Variants in PITPNC1 observed in about 807,000 individuals in gnomAD.
PITPNC1 encodes cytoplasmic phosphatidylinositol transfer protein 1.
PITPNC1 carries 18 observed loss-of-function variants against 44.7 expected under a neutral mutation model. That is an observed-to-expected ratio of 0.40 (90% CI 0.28 to 0.60). PITPNC1 has a LOEUF of 0.60. Among genes scored for constraint, PITPNC1 ranks in the 20% least tolerant of loss-of-function variants. The pLI is 0.39. For missense variants in PITPNC1, 290 were observed against 418.4 expected (o/e 0.69, Z 2.68); for synonymous variants, 141 against 149.6 (o/e 0.94, Z 0.42).
At chr17:67,437,168 C>A (rs2143911657) in intron 1 of PITPNC1, among the ~76,000 whole-genome samples, 1 of 152,086 alleles carries the variant, frequency 6.6e-6, no homozygotes, top group South Asian at 2.1e-4. Flanking sequence ...AATCCACCTG[C>A]CTCGGCCTCC....
intron 2 of PITPNC1, among the ~76,000 whole-genome samples, chr17:67,542,801 C>G (rs931492961): frequency 3.3e-5 from 5 of 152,164 alleles, no homozygotes; most frequent in African/African-American, 1.2e-4. Flanking sequence ...TATTGATTAC[C>G]TAAAGTAATT....
At chr17:67,476,295 C>T (rs1174693465) in intron 1 of PITPNC1, among the ~76,000 whole-genome samples, 1 of 150,838 alleles carries the variant, frequency 6.6e-6, no homozygotes, top group African/African-American at 2.4e-5. Context: ...CAAGTGATTG[C>T]CCTGCCTCAG....
intron 1 of PITPNC1, among the ~76,000 whole-genome samples, chr17:67,424,220 T>C (rs1486825757): frequency 5.3e-5 from 8 of 150,640 alleles, no homozygotes; most frequent in African/African-American, 1.5e-4. Context: ...ACTTTCAAGG[T>C]GGAGGGAGAG....
At chr17:67,546,219 C>T (rs1328070111) in intron 2 of PITPNC1, among the ~76,000 whole-genome samples, 3 of 150,826 alleles carry the variant, frequency 2.0e-5, no homozygotes, top group South Asian at 2.1e-4. Context: ...AACAGTATAT[C>T]GTCTAGAATA....
At chr17:67,396,637 T>G (rs1205737190) in intron 1 of PITPNC1, among the ~76,000 whole-genome samples, 1 of 152,038 alleles carries the variant, frequency 6.6e-6, no homozygotes, top group Non-Finnish European at 1.5e-5. Context: ...CCCAAAGTGC[T>G]GTGATTACAG....
At chr17:67,648,896 C>T (rs2042179792) in intron 6 of PITPNC1, among the ~76,000 whole-genome samples, 1 of 152,160 alleles carries the variant, frequency 6.6e-6, no homozygotes, top group Non-Finnish European at 1.5e-5. Context: ...TGCAGTGGCT[C>T]TAATCCCAGC....
At chr17:67,546,447 G>A (rs2040684974) in intron 2 of PITPNC1, among the ~76,000 whole-genome samples, 1 of 151,928 alleles carries the variant, frequency 6.6e-6, no homozygotes, top group South Asian at 2.1e-4. Context: ...TCATGCTACC[G>A]GGCCCCTCTT....
intron 1 of PITPNC1, among the ~76,000 whole-genome samples, chr17:67,432,440 C>T (rs1316402986): frequency 6.6e-6 from 1 of 152,054 alleles, no homozygotes; most frequent in Non-Finnish European, 1.5e-5. Context: ...GTGAGCCGAG[C>T]TTGCAGTGAG....
intron 7 of PITPNC1, among the ~76,000 whole-genome samples, chr17:67,670,994 G>A (rs1316356636): frequency 6.6e-6 from 1 of 151,942 alleles, no homozygotes; most frequent in Non-Finnish European, 1.5e-5. Context: ...TGATTATCCT[G>A]CCTCAGCCTC....
intron 2 of PITPNC1, among the ~76,000 whole-genome samples, chr17:67,549,966 G>A (rs115377986): frequency 0.012 from 1,790 of 152,186 alleles, 30 homozygotes; most frequent in African/African-American, 0.04. Context: ...TAGGGTGTGG[G>A]GGCAAACAGG....
chr17:67,472,975 A>C (rs1183783530), intron 1 of PITPNC1, among the ~76,000 whole-genome samples: 1 of 151,084 alleles, frequency 6.6e-6, no homozygotes, highest in African/African-American at 2.4e-5. Context: ...TCTCAGGTTC[A>C]TGCCATTCTC....
intron 1 of PITPNC1, among the ~76,000 whole-genome samples, chr17:67,519,897 C>T (rs1308704317): frequency 6.6e-6 from 1 of 152,210 alleles, no homozygotes; most frequent in Non-Finnish European, 1.5e-5. Context: ...TCCAGTGACC[C>T]TCAAATATCA....
chr17:67,383,991 C>T (rs1391689334), intron 1 of PITPNC1, among the ~76,000 whole-genome samples: 4 of 152,178 alleles, frequency 2.6e-5, no homozygotes, highest in South Asian at 4.2e-4. Flanking sequence ...GAGCTGAGAT[C>T]GCACCATCGC....
chr17:67,649,013 G>A (rs1029597058), intron 6 of PITPNC1, among the ~76,000 whole-genome samples: 2 of 152,132 alleles, frequency 1.3e-5, no homozygotes, highest in African/African-American at 4.8e-5. Context: ...AATTAGCTGG[G>A]CCCAGTGGCA....
At chr17:67,506,501 ATAT>A (rs2040102861) in intron 1 of PITPNC1, among the ~76,000 whole-genome samples, 1 of 152,210 alleles carries the variant, frequency 6.6e-6, no homozygotes, top group Non-Finnish European at 1.5e-5. Context: ...TTACAAATTT[ATAT>A]TACACAAGCT....
chr17:67,468,952 C>T (rs978098759), intron 1 of PITPNC1, among the ~76,000 whole-genome samples: 1 of 152,170 alleles, frequency 6.6e-6, no homozygotes, highest in Admixed American at 6.5e-5. Flanking sequence ...TGGTCTCAAA[C>T]TCCTGACCTC....
intron 1 of PITPNC1, among the ~76,000 whole-genome samples, 187 bp from the exon 2 acceptor site, chr17:67,532,615 C>A (rs953120923): frequency 3.3e-5 from 5 of 152,058 alleles, no homozygotes; most frequent in Admixed American, 6.5e-5. Flanking sequence ...CACGCCGTCT[C>A]GATGTTCTAC....
chr17:67,489,135 C>A (rs184251427), intron 1 of PITPNC1, among the ~76,000 whole-genome samples: 1 of 152,126 alleles, frequency 6.6e-6, no homozygotes, highest in Non-Finnish European at 1.5e-5. Flanking sequence ...ATGGGTCATA[C>A]GGTAACAGAC....
intron 7 of PITPNC1, among the ~76,000 whole-genome samples, chr17:67,670,794 A>G (rs1225269858): frequency 1.3e-5 from 2 of 150,962 alleles, no homozygotes; most frequent in Non-Finnish European, 2.9e-5. Context: ...TAATTCTGTT[A>G]CCAAATAATT....
Sources: allele counts gnomAD v4.1 joint callset (sites outside exome capture counted in the v4.1 genomes callset), GRCh38; gene constraint gnomAD v4.1.1; transcripts MANE v1.5; gene names NCBI Gene and HGNC (gene_info 2026-07-23, HGNC 2026-07-21).